Variants in LNX1 observed in about 807,000 individuals in gnomAD.
LNX1 encodes ligand of numb-protein X 1, also known as E3 ubiquitin-protein ligase LNX.
In LNX1, 54 loss-of-function variants were observed where a neutral mutation model predicts 68.4. The observed-to-expected ratio is 0.79, with a 90% CI of 0.63 to 0.99. The LOEUF is 0.99. Among genes scored for constraint, LNX1 ranks in the 50% least tolerant of loss-of-function variants. The pLI, the probability that LNX1 is intolerant of heterozygous loss-of-function variation, is 0.00. For synonymous variants in LNX1, 336 were observed against 350.0 expected (o/e 0.96, Z 0.45); for missense variants, 906 against 926.4 (o/e 0.98, Z 0.29).
chr4:53,473,847 T>C (rs1723394143), intron 9 of LNX1, among the ~76,000 whole-genome samples: 1 of 152,030 alleles, frequency 6.6e-6, no homozygotes, highest in Admixed American at 6.6e-5. Context: ...AAAAAAGAGT[T>C]GAAAAGGATC....
chr4:53,555,089 G>A (rs750266651), intron 2 of LNX1, among the ~76,000 whole-genome samples: 9 of 152,068 alleles, frequency 5.9e-5, no homozygotes, highest in Admixed American at 1.3e-4. Flanking sequence ...TCCAAAGCTC[G>A]GATAAAGGGT....
At chr4:53,533,051 C>T (rs1435470741) in intron 2 of LNX1, among the ~76,000 whole-genome samples, 1 of 152,212 alleles carries the variant, frequency 6.6e-6, no homozygotes, top group East Asian at 1.9e-4. Context: ...AGCACATATG[C>T]TCCCTAGGTG....
intron 4 of LNX1, among the ~76,000 whole-genome samples, 168 bp downstream of exon 4, chr4:53,507,149 T>C (rs1033261070): frequency 3.2e-4 from 48 of 152,336 alleles, no homozygotes; most frequent in African/African-American, 1.1e-3. Flanking sequence ...TAATACTTTC[T>C]GCCTTTAGCT....
chr4:53,561,449 A>T (rs1730282259), intron 2 of LNX1, among the ~76,000 whole-genome samples: 2 of 151,966 alleles, frequency 1.3e-5, no homozygotes, highest in South Asian at 4.2e-4. Flanking sequence ...GATGGTCTTG[A>T]TCTCCTGATC....
At chr4:53,506,805 G>A (rs749002701) in intron 4 of LNX1, among the ~76,000 whole-genome samples, 1 of 138,112 alleles carries the variant, frequency 7.2e-6, no homozygotes, top group Non-Finnish European at 1.5e-5. Flanking sequence ...GCAGTGAGCC[G>A]AGATCATGCC....
At chr4:53,639,544 GTTAT>G (rs1734600032) in intron 1 of LNX1, among the ~76,000 whole-genome samples, 1 of 152,148 alleles carries the variant, frequency 6.6e-6, no homozygotes. Flanking sequence ...ATTAAACAAG[GTTAT>G]TTATTGATTG....
intron 2 of LNX1, among the ~76,000 whole-genome samples, chr4:53,551,265 G>A (rs1358955884): frequency 6.6e-6 from 1 of 152,132 alleles, no homozygotes; most frequent in Non-Finnish European, 1.5e-5. Flanking sequence ...ATGAGGCAGG[G>A]AAGGCCACCC....
At chr4:53,614,817 GGTCA>G (rs1455848279) in intron 2 of LNX1, among the ~76,000 whole-genome samples, 3 of 151,912 alleles carry the variant, frequency 2.0e-5, no homozygotes, top group Non-Finnish European at 4.4e-5. Context: ...TCAGCCTCCT[GGTCA>G]TGGAGCAATT....
chr4:53,518,842 G>A (rs570192575), intron 2 of LNX1, among the ~76,000 whole-genome samples: 1 of 152,262 alleles, frequency 6.6e-6, no homozygotes, highest in Admixed American at 6.5e-5. Context: ...AAAATTAGAA[G>A]CAGGTTTTTC....
At chr4:53,601,631 CG>C (rs1733022222) in intron 2 of LNX1, among the ~76,000 whole-genome samples, 1 of 152,146 alleles carries the variant, frequency 6.6e-6, no homozygotes, top group Non-Finnish European at 1.5e-5. Flanking sequence ...CATGTGGCTG[CG>C]GGGGTTTGGC....
chr4:53,481,717 C>T lies in LNX1; in HGVS notation c.1485+3G>A, dbSNP rs1723924384. The T allele has an allele frequency of 6.2e-7, 1 of 1,613,178 alleles. No individual in the cohort carries two copies. The highest frequency in any genetic ancestry group is 8.5e-7 in the Non-Finnish European group (1 of 1,179,474). On this transcript the variant is annotated splice_donor_region_variant and intron_variant, in intron 7 of 10. Coordinates refer to ENST00000263925, the MANE Select transcript of LNX1 (RefSeq NM_001126328.3). Reference sequence around the variant, plus strand: ...AGCAGGCGACCTGCCCTAGAGGCCTCACCTTGGGAGTGTTGCTCCTCTCCC... The same window carrying T: ...AGCAGGCGACCTGCCCTAGAGGCCTTACCTTGGGAGTGTTGCTCCTCTCCC...
chr4:53,486,573 C>A (rs1724308626), intron 6 of LNX1, among the ~76,000 whole-genome samples: 1 of 152,162 alleles, frequency 6.6e-6, no homozygotes, highest in South Asian at 2.1e-4. Flanking sequence ...ATGTTTCCTA[C>A]TGCAGGGACA....
At chr4:53,640,088 C>A (rs1307992212) in intron 1 of LNX1, among the ~76,000 whole-genome samples, 1 of 152,006 alleles carries the variant, frequency 6.6e-6, no homozygotes, top group Non-Finnish European at 1.5e-5. Flanking sequence ...ACCAAGTAGA[C>A]AAAAGTATGC....
At position 53,555,835 on chromosome 4, in the gene LNX1, G is replaced by A. The variant is rs544297511; in HGVS notation, c.380+17788C>T. On this transcript the variant is annotated intron_variant, in intron 2 of 10. Transcript: ENST00000263925. ...ATACTTTTATAGATTGCTTGTGTCC[G>A]TTCAGTTATTCAGCAAAAATGTTGC... Among the ~76,000 whole-genome samples, 14 of 152,266 alleles carry A rather than the reference G, an allele frequency of 9.2e-5. No homozygotes were observed. In the South Asian group the frequency reaches 1.2e-3, roughly 14 times the overall value.
At chr4:53,475,314 ACT>A (rs376687323) in intron 9 of LNX1, among the ~76,000 whole-genome samples, 58 of 152,278 alleles carry the variant, frequency 3.8e-4, no homozygotes, top group Non-Finnish European at 7.2e-4. Flanking sequence ...TTAAAGTCAT[ACT>A]CTCTACTTTC....
chr4:53,570,026 G>C (rs1731031808), intron 2 of LNX1, among the ~76,000 whole-genome samples: 1 of 152,206 alleles, frequency 6.6e-6, no homozygotes. Context: ...AGGTGGTGGA[G>C]AGGATGTGGA....
intron 2 of LNX1, among the ~76,000 whole-genome samples, chr4:53,545,645 C>T (rs1181107905): frequency 2.0e-5 from 3 of 152,150 alleles, no homozygotes; most frequent in Non-Finnish European, 2.9e-5. Flanking sequence ...GCATCTAATG[C>T]TTCCTGTGTA....
chr4:53,504,128 G>T (rs1725701819), intron 4 of LNX1, among the ~76,000 whole-genome samples: 1 of 152,090 alleles, frequency 6.6e-6, no homozygotes, highest in African/African-American at 2.4e-5. Context: ...GAGCGAGCGA[G>T]ACTCCGTCTC....
rs1001707669 is a variant in LNX1, at chr4:53,459,711, T to TAAAG, written c.*1192_*1195dup. ...TGAATGAGTCACTTAACAGGGAATC[T>TAAAG]AAAGAGCTGTGTTAGCTGTGTACAT... On this transcript the variant is annotated 3_prime_UTR_variant, in exon 11 of 11. Transcript: ENST00000263925. 4.5e-5 allele frequency: 22 copies of TAAAG among 489,190 alleles called. No homozygotes were observed. Among genetic ancestry groups the TAAAG allele is most frequent in the Non-Finnish European group, 8.1e-5 (22 of 270,990 alleles). 30.3% of individuals were successfully genotyped at this position (489,190 alleles called of 1,614,324 possible).
Sources: allele counts gnomAD v4.1 joint callset (sites outside exome capture counted in the v4.1 genomes callset), GRCh38; gene constraint gnomAD v4.1.1; transcripts MANE v1.5; gene names NCBI Gene and HGNC (gene_info 2026-07-23, HGNC 2026-07-21).